ZNF367: variants seen among roughly 807,000 people sequenced by gnomAD.
ZNF367 encodes zinc finger protein 367, also known as C2H2 zinc finger protein ZFF29.
In ZNF367, 11 loss-of-function variants were observed where a neutral mutation model predicts 31.8. The ratio of observed to expected loss-of-function variants is 0.35; its 90% CI spans 0.22 to 0.57. The LOEUF (loss-of-function observed/expected upper bound fraction) is 0.57, where lower values mean the gene tolerates loss of function less well. Ranked by LOEUF, ZNF367 falls within the 20% of genes least tolerant of loss-of-function variation. The pLI, the probability that ZNF367 is intolerant of heterozygous loss-of-function variation, is 0.85. For missense variants in ZNF367, 353 were observed against 484.1 expected (o/e 0.73, Z 2.54); for synonymous variants, 199 against 202.4 (o/e 0.98, Z 0.14).
chr9:96,417,973 G>C lies in ZNF367; in HGVS notation c.60C>G (p.Val20=), dbSNP rs542454911. ...AENPPPPPPP[V]IFCHDSPKRV... ...GCTTCGGGGAGTCGTGGCAGAAGAT[G>C]ACGGGCGGCGGCGGCGGCGGCGGGT... Residue 20 remains valine, a synonymous_variant, in exon 1 of 5, where the codon GTC becomes GTG. Coordinates refer to ENST00000375256, the MANE Select transcript of ZNF367 (RefSeq NM_153695.4). The surrounding 1 kb of genome is among the most constrained non-coding windows in gnomAD (Gnocchi z 5.0). The C allele has an allele frequency of 6.8e-7, 1 of 1,463,422 alleles. No homozygotes were observed. Among genetic ancestry groups the C allele is most frequent in the Non-Finnish European group, 9.0e-7 (1 of 1,114,410 alleles). 90.7% of individuals were successfully genotyped at this position (1,463,422 alleles called of 1,614,324 possible).
At chr9:96,406,576 C>A (rs1263315006) in intron 1 of ZNF367, among the ~76,000 whole-genome samples, 1 of 152,150 alleles carries the variant, frequency 6.6e-6, no homozygotes, top group Non-Finnish European at 1.5e-5. Flanking sequence ...AAGTCTTTAC[C>A]TATTTTTCCT....
At chr9:96,392,242 A>T in intron 4 of ZNF367, 156 bp downstream of exon 4, 1 of 1,135,878 alleles carries the variant, frequency 8.8e-7, no homozygotes, top group Non-Finnish European at 1.3e-6. Flanking sequence ...AATACCACTC[A>T]CAACAATTTT....
intron 1 of ZNF367, among the ~76,000 whole-genome samples, chr9:96,403,470 G>C (rs911138266): frequency 6.6e-6 from 1 of 151,852 alleles, no homozygotes; most frequent in Non-Finnish European, 1.5e-5. Context: ...AAAATTCCAG[G>C]GGTTTTTTTT....
At chr9:96,396,290 T>A (rs1339523307) in intron 2 of ZNF367, among the ~76,000 whole-genome samples, 1 of 152,180 alleles carries the variant, frequency 6.6e-6, no homozygotes, top group East Asian at 1.9e-4. Flanking sequence ...AGGGGATATT[T>A]TAGAATATTT....
chr9:96,407,509 C>A (rs1365335865), intron 1 of ZNF367: 2 of 1,280,402 alleles, frequency 1.6e-6, no homozygotes, highest in East Asian at 4.6e-5. Context: ...AAACACCAAA[C>A]AAAAGAATGA....
intron 1 of ZNF367, among the ~76,000 whole-genome samples, chr9:96,413,027 C>T (rs1388337695): frequency 6.6e-6 from 1 of 152,082 alleles, no homozygotes; most frequent in Non-Finnish European, 1.5e-5. Context: ...GTCTACTTAT[C>T]TCAGCTTAAT....
intron 2 of ZNF367, among the ~76,000 whole-genome samples, chr9:96,397,592 A>G (rs954680688): frequency 6.6e-6 from 1 of 152,208 alleles, no homozygotes; most frequent in East Asian, 1.9e-4. Flanking sequence ...AAATTTGCCA[A>G]TAACATGACT....
intron 1 of ZNF367, among the ~76,000 whole-genome samples, chr9:96,400,330 C>T (rs1228955890): frequency 1.4e-5 from 2 of 142,562 alleles, no homozygotes; most frequent in East Asian, 2.1e-4. Flanking sequence ...AAGGTCAAGG[C>T]TGCAGTGAGC....
Position 96,417,778 on chromosome 9 carries a change from C to T in ZNF367, c.255G>A (p.Gly85=). 1 of 1,286,944 alleles carries T rather than the reference C, an allele frequency of 7.8e-7. No homozygotes were observed. The highest frequency in any genetic ancestry group is 1.5e-5 in the African/African-American group (1 of 65,126). The allele number at this position is 1,286,944 out of a possible 1,614,324, so 79.7% of individuals were successfully genotyped here. A position where few individuals can be genotyped will look rare whatever the true frequency, so the allele number is the denominator to read the frequency against. ...CGGCCGAGGCGGCGGCCCCCGCGGC[C>T]CCAGGGCTGAGCGTCACGTTGTGTG... ...ENAHNVTLSP[G]AAGAAASAAL... is the part of the protein sequence containing the mutation. Residue 85 remains glycine, a synonymous_variant, in exon 1 of 5, where the codon GGG becomes GGA. Coordinates refer to ENST00000375256, the MANE Select transcript of ZNF367 (RefSeq NM_153695.4). The surrounding 1 kb of genome is among the most constrained non-coding windows in gnomAD (Gnocchi z 5.0).
chr9:96,389,255 G>A lies in ZNF367; in HGVS notation c.831-796C>T, dbSNP rs114971981. Among the ~76,000 whole-genome samples the A allele has an allele frequency of 3.7e-3, 564 of 151,416 alleles. 6 individuals are homozygous for A. Among genetic ancestry groups the A allele is most frequent in the African/African-American group, 0.013 (516 of 41,260 alleles). ...GCGGAGGTTGCAGCAAGCTGAAGTC[G>A]GGCCGCTGCACTCCATCCAGGGTGA... On this transcript the variant is annotated intron_variant, in intron 4 of 4. Transcript: ENST00000375256.
At chr9:96,402,511 G>A (rs1831619126) in intron 1 of ZNF367, among the ~76,000 whole-genome samples, 1 of 126,214 alleles carries the variant, frequency 7.9e-6, no homozygotes, top group African/African-American at 3.0e-5. Context: ...GGAGTGCAGT[G>A]ATGCAGTCTC....
intron 2 of ZNF367, among the ~76,000 whole-genome samples, chr9:96,397,006 T>G (rs1028558474): frequency 6.6e-6 from 1 of 152,178 alleles, no homozygotes; most frequent in Non-Finnish European, 1.5e-5. Flanking sequence ...TTAATCCAAT[T>G]TATCTAAAAG....
At chr9:96,410,641 C>T (rs1366119260) in intron 1 of ZNF367, among the ~76,000 whole-genome samples, 1 of 150,114 alleles carries the variant, frequency 6.7e-6, no homozygotes, top group South Asian at 2.1e-4. Context: ...TTGGGGAGGC[C>T]GAGGTGGGTG....
chr9:96,414,326 G>T (rs1051107700), intron 1 of ZNF367, among the ~76,000 whole-genome samples: 4 of 152,026 alleles, frequency 2.6e-5, no homozygotes, highest in Non-Finnish European at 2.9e-5. Flanking sequence ...AATAATTTAT[G>T]AAAGTTACAA....
intron 1 of ZNF367, among the ~76,000 whole-genome samples, chr9:96,398,857 T>C (rs1359189332): frequency 1.3e-5 from 2 of 152,190 alleles, no homozygotes; most frequent in Admixed American, 1.3e-4. Flanking sequence ...AGAATTGCGT[T>C]TGCCTGTTTT....
intron 4 of ZNF367, among the ~76,000 whole-genome samples, chr9:96,390,900 A>G (rs1253922868): frequency 6.6e-6 from 1 of 151,262 alleles, no homozygotes; most frequent in Non-Finnish European, 1.5e-5. Context: ...AAAAAAAAAA[A>G]AAAAAAAGAC....
chr9:96,417,029 C>T lies in ZNF367; in HGVS notation c.420+584G>A, dbSNP rs765339050. Among the ~76,000 whole-genome samples, 14 of 152,194 alleles carry T rather than the reference C, an allele frequency of 9.2e-5. No homozygotes were observed. The highest frequency in any genetic ancestry group is 1.6e-4 in the Non-Finnish European group (11 of 68,038). On this transcript the variant is annotated intron_variant, in intron 1 of 4. Transcript: ENST00000375256. The surrounding 1 kb of genome is among the most constrained non-coding windows in gnomAD (Gnocchi z 5.0). ...AACGACCTTCCCAGCTTTAAGCAGT[C>T]GGAGACTGCAAGCAATTTTAGCGTC... is the stretch of plus-strand genomic sequence containing the variant.
chr9:96,416,344 G>A (rs1831830976), intron 1 of ZNF367, among the ~76,000 whole-genome samples: 2 of 151,420 alleles, frequency 1.3e-5, no homozygotes, highest in South Asian at 2.1e-4. Context: ...CCTCTGCCTC[G>A]CAAAGTTCTG....
chr9:96,407,398 G>C, intron 1 of ZNF367: 3 of 1,486,842 alleles, frequency 2.0e-6, no homozygotes, highest in Non-Finnish European at 2.8e-6. Context: ...TTCAAAGAAG[G>C]CAAAGAAAAT....
Sources: gnomAD v4.1 joint callset for allele counts (sites outside exome capture counted in the v4.1 genomes callset) on GRCh38, gnomAD v4.1.1 for gene constraint, Gnocchi (gnomAD v3.1) non-coding constraint, MANE v1.5 for transcripts, NCBI Gene and HGNC (gene_info 2026-07-23, HGNC 2026-07-21) for gene names.